EPHA5: variants seen among roughly 807,000 people sequenced by gnomAD.
The protein encoded by EPHA5 is ephrin type-A receptor 5.
In EPHA5, 60 loss-of-function variants were observed where a neutral mutation model predicts 105.0. The ratio of observed to expected loss-of-function variants is 0.57; its 90% CI spans 0.46 to 0.71. EPHA5 has a LOEUF of 0.71. Ranked by LOEUF, EPHA5 falls within the 30% of genes least tolerant of loss-of-function variation. The pLI, the probability that EPHA5 is intolerant of heterozygous loss-of-function variation, is 0.00. For synonymous variants in EPHA5, 513 were observed against 449.1 expected (o/e 1.14, Z -1.80); for missense variants, 1,218 against 1,274.7 (o/e 0.96, Z 0.68).
chr4:65,472,424 G>A (rs1729376755), intron 5 of EPHA5, among the ~76,000 whole-genome samples: 1 of 152,170 alleles, frequency 6.6e-6, no homozygotes, highest in African/African-American at 2.4e-5. Context: ...CACTGTGTGG[G>A]TGCTCCGACC....
At chr4:65,396,872 C>T (rs1721293891) in intron 8 of EPHA5, among the ~76,000 whole-genome samples, 1 of 152,264 alleles carries the variant, frequency 6.6e-6, no homozygotes, top group Non-Finnish European at 1.5e-5. Context: ...TTTAGAGAAC[C>T]TCCTGAAAGT....
In EPHA5 at chr4:65,634,860, T is replaced by C. The variant is rs570101860; in HGVS notation, c.246+8503A>G. Among the ~76,000 whole-genome samples the C allele has an allele frequency of 3.9e-5, 6 of 152,160 alleles. 1 individual carries two copies. In the South Asian group the frequency reaches 1.2e-3, roughly 32 times the overall value. On this transcript the variant is annotated intron_variant, in intron 2 of 16. Coordinates refer to ENST00000613740, the MANE Select transcript of EPHA5 (RefSeq NM_001281766.3). ...CTTTCAGTAGGAAGCAAAGCCAAAA[T>C]AAGGTTCTGGCAAAACTCACTGTGA...
At chr4:65,478,316 C>T (rs1268719847) in intron 5 of EPHA5, among the ~76,000 whole-genome samples, 1 of 152,102 alleles carries the variant, frequency 6.6e-6, no homozygotes, top group East Asian at 1.9e-4. Context: ...TCCTTAGAAA[C>T]TTCAATGATT....
chr4:65,596,302 T>C (rs1238700458), intron 3 of EPHA5, among the ~76,000 whole-genome samples: 1 of 152,162 alleles, frequency 6.6e-6, no homozygotes, highest in Non-Finnish European at 1.5e-5. Flanking sequence ...CATTTTTGAC[T>C]GTGAAAATGG....
chr4:65,667,835 G>C (rs1750083658), intron 1 of EPHA5, among the ~76,000 whole-genome samples: 1 of 152,120 alleles, frequency 6.6e-6, no homozygotes, highest in Admixed American at 6.6e-5. Flanking sequence ...AAACACGAAA[G>C]GATGAATGAT....
At chr4:65,352,486 C>G (rs1722906456) in intron 12 of EPHA5, among the ~76,000 whole-genome samples, 1 of 151,936 alleles carries the variant, frequency 6.6e-6, no homozygotes, top group Admixed American at 6.6e-5. Flanking sequence ...GAGATTTGCA[C>G]ATGAAGAAAA....
rs57129731 is a variant in EPHA5 at position 65,443,905 on chromosome 4, CTG to C, written c.1403-23342_1403-23341del. Among the ~76,000 whole-genome samples the C allele has an allele frequency of 6.5e-3, 977 of 149,908 alleles. 12 individuals carry two copies. Among genetic ancestry groups the C allele is most frequent in the South Asian group, 0.022 (107 of 4,756 alleles). ...TTTCTACTTGCAGATGTTTGTGTGC[CTG>C]TGTGTGTGTGTGTGTGTGTGTGCGT... On this transcript the variant is annotated intron_variant, in intron 5 of 16. Transcript: ENST00000613740.
At chr4:65,420,959 A>G (rs1247992605) in intron 5 of EPHA5, among the ~76,000 whole-genome samples, 2 of 152,078 alleles carry the variant, frequency 1.3e-5, no homozygotes, top group African/African-American at 4.8e-5. Context: ...GCATTTGCAC[A>G]ACACAAACTC....
intron 8 of EPHA5, among the ~76,000 whole-genome samples, chr4:65,396,489 C>T (rs1193043708): frequency 6.6e-6 from 1 of 152,116 alleles, no homozygotes; most frequent in Non-Finnish European, 1.5e-5. Context: ...CTTTGTATCT[C>T]ATATAGTTTC....
chr4:65,610,385 C>T (rs999715393), intron 2 of EPHA5, among the ~76,000 whole-genome samples: 7 of 151,904 alleles, frequency 4.6e-5, no homozygotes, highest in Admixed American at 2.6e-4. Context: ...GTGTGTGTGG[C>T]TGTATGGGTT....
chr4:65,525,164 T>C (rs1360320431), intron 3 of EPHA5, among the ~76,000 whole-genome samples: 1 of 151,732 alleles, frequency 6.6e-6, no homozygotes, highest in Non-Finnish European at 1.5e-5. Flanking sequence ...GAAAGATTAT[T>C]AACTATTAAC....
intron 2 of EPHA5, among the ~76,000 whole-genome samples, chr4:65,624,569 G>GA (rs1745973877): frequency 6.6e-6 from 1 of 152,062 alleles, no homozygotes; most frequent in South Asian, 2.1e-4. Flanking sequence ...ACCAACTATT[G>GA]AAAATCATTC....
chr4:65,338,948 T>C (rs945870214), intron 14 of EPHA5, among the ~76,000 whole-genome samples: 1 of 152,112 alleles, frequency 6.6e-6, no homozygotes, highest in East Asian at 1.9e-4. Context: ...CTCATTACTA[T>C]TAGATTTGTT....
intron 3 of EPHA5, among the ~76,000 whole-genome samples, chr4:65,514,905 A>G (rs1053793721): frequency 6.6e-6 from 1 of 152,088 alleles, no homozygotes; most frequent in African/African-American, 2.4e-5. Context: ...TCCAATAATC[A>G]TCCTATCCCT....
At chr4:65,550,481 A>G (rs769264101) in intron 3 of EPHA5, among the ~76,000 whole-genome samples, 16 of 152,284 alleles carry the variant, frequency 1.1e-4, no homozygotes, top group Middle Eastern at 3.4e-3. Flanking sequence ...TCTGACACTC[A>G]TATCCAGTAG....
At chr4:65,620,108 GTATATA>G (rs34861369) in intron 2 of EPHA5, among the ~76,000 whole-genome samples, 3 of 137,356 alleles carry the variant, frequency 2.2e-5, no homozygotes, top group South Asian at 2.4e-4. Context: ...TTGGACTCAG[GTATATA>G]TATATATATA....
chr4:65,586,454 GT>G (rs1290473026), intron 3 of EPHA5, among the ~76,000 whole-genome samples: 1 of 151,544 alleles, frequency 6.6e-6, no homozygotes, highest in Non-Finnish European at 1.5e-5. Context: ...CTAGCAAATA[GT>G]TGTCTTTGAT....
chr4:65,583,435 G>T (rs1225855618), intron 3 of EPHA5, among the ~76,000 whole-genome samples: 1 of 151,726 alleles, frequency 6.6e-6, no homozygotes, highest in African/African-American at 2.4e-5. Flanking sequence ...TTCTAGATTG[G>T]AATGGCATTT....
At chr4:65,633,262 G>A (rs1746812935) in intron 2 of EPHA5, among the ~76,000 whole-genome samples, 2 of 151,802 alleles carry the variant, frequency 1.3e-5, no homozygotes, top group Admixed American at 1.3e-4. Context: ...TGTGGGAGAG[G>A]GAGATTATGT....
Sources: allele counts gnomAD v4.1 joint callset (sites outside exome capture counted in the v4.1 genomes callset), GRCh38; gene constraint gnomAD v4.1.1; transcripts MANE v1.5; gene names NCBI Gene and HGNC (gene_info 2026-07-23, HGNC 2026-07-21).